The following IL1RAPL1 variants were observed in gnomAD, a reference collection of about 807,000 sequenced individuals.
IL1RAPL1 encodes interleukin-1 receptor accessory protein-like 1.
Under a neutral mutation model 48.4 loss-of-function variants are expected in IL1RAPL1, and 3 were observed. That is an observed-to-expected ratio of 0.06 (90% confidence interval 0.03 to 0.16). The LOEUF is 0.16. Ranked by LOEUF, IL1RAPL1 falls within the 10% of genes least tolerant of loss-of-function variation. The pLI, the probability that IL1RAPL1 is intolerant of heterozygous loss-of-function variation, is 1.00. For missense variants in IL1RAPL1, 349 were observed against 530.6 expected (o/e 0.66, Z 3.36); for synonymous variants, 185 against 187.7 (o/e 0.99, Z 0.12).
At chrX:28,929,394 T>C (rs772898127) in intron 2 of IL1RAPL1, among the ~76,000 whole-genome samples, 1 of 112,156 alleles carries the variant, frequency 8.9e-6, no homozygotes, top group South Asian at 3.7e-4. Context: ...TACCAGGTTG[T>C]GGCTGTTTCT....
At chrX:28,931,330 G>T (rs1221418549) in intron 2 of IL1RAPL1, among the ~76,000 whole-genome samples, 1 of 112,005 alleles carries the variant, frequency 8.9e-6, no homozygotes, top group Non-Finnish European at 1.9e-5. Context: ...GAATTTGCTA[G>T]TAAATGCTTT....
intron 1 of IL1RAPL1, among the ~76,000 whole-genome samples, chrX:28,782,727 C>A (rs1353581728): frequency 8.9e-6 from 1 of 111,855 alleles, no homozygotes; most frequent in Non-Finnish European, 1.9e-5. Context: ...GGAGTTTATA[C>A]TTTAATAGCA....
chrX:29,771,702 T>A lies in IL1RAPL1; in HGVS notation c.778+103198T>A, dbSNP rs981535422. On this transcript the variant is annotated intron_variant, in intron 6 of 10. Coordinates refer to ENST00000378993, the MANE Select transcript of IL1RAPL1 (RefSeq NM_014271.4). ...TGACATAGACCATGTTGAAGTACCA[T>A]TTTTCCCCATCCTTGAAATCTCAAC... 3.6e-5 allele frequency among the ~76,000 whole-genome samples: 4 copies of A among 111,797 alleles called. No individual in the cohort carries two copies. The Admixed American group carries it at 3.8e-4, about 11-fold the overall frequency.
intron 2 of IL1RAPL1, among the ~76,000 whole-genome samples, chrX:29,085,437 G>T (rs1927932052): frequency 9.0e-6 from 1 of 111,056 alleles, no homozygotes; most frequent in Non-Finnish European, 1.9e-5. Context: ...TTCTAAGAGG[G>T]TTTTTATATA....
intron 4 of IL1RAPL1, among the ~76,000 whole-genome samples, chrX:29,396,954 T>C (rs1443909043): frequency 1.8e-5 from 2 of 112,104 alleles, no homozygotes; most frequent in Non-Finnish European, 3.8e-5. Context: ...GGAAATTGTA[T>C]GACACCAGAA....
chrX:28,596,514 G>C (rs954371921), intron 1 of IL1RAPL1, among the ~76,000 whole-genome samples: 9 of 111,039 alleles, frequency 8.1e-5, no homozygotes, highest in Non-Finnish European at 1.7e-4. Flanking sequence ...CCCAAAAATG[G>C]TTTAGTTAGG....
intron 3 of IL1RAPL1, among the ~76,000 whole-genome samples, chrX:29,329,069 T>G (rs1932863588): frequency 9.0e-6 from 1 of 111,454 alleles, no homozygotes; most frequent in Non-Finnish European, 1.9e-5. Flanking sequence ...GATCTTACAT[T>G]ATCCATGATT....
At chrX:29,175,788 T>C (rs1240552516) in intron 2 of IL1RAPL1, among the ~76,000 whole-genome samples, 1 of 94,245 alleles carries the variant, frequency 1.1e-5, no homozygotes, top group South Asian at 5.7e-4. Flanking sequence ...AGAGGTTGCA[T>C]TGAGCCAAGA....
chrX:28,748,921 A>G (rs1048214811), intron 1 of IL1RAPL1, among the ~76,000 whole-genome samples: 6 of 110,906 alleles, frequency 5.4e-5, no homozygotes, highest in African/African-American at 2.0e-4. Flanking sequence ...TCATTGACCA[A>G]CTTCTCTCCT....
intron 2 of IL1RAPL1, among the ~76,000 whole-genome samples, chrX:29,210,443 A>G (rs1248827398): frequency 8.9e-6 from 1 of 112,195 alleles, no homozygotes; most frequent in Non-Finnish European, 1.9e-5. Flanking sequence ...TTGATCTGAT[A>G]ATGTTCAAAT....
intron 2 of IL1RAPL1, among the ~76,000 whole-genome samples, chrX:29,048,574 T>A (rs925909447): frequency 8.9e-6 from 1 of 112,293 alleles, no homozygotes; most frequent in Non-Finnish European, 1.9e-5. Flanking sequence ...TTCTTGATTC[T>A]GCATATCTTA....
chrX:28,957,409 AT>A (rs1486356596), intron 2 of IL1RAPL1, among the ~76,000 whole-genome samples: 1 of 112,023 alleles, frequency 8.9e-6, no homozygotes, highest in Non-Finnish European at 1.9e-5. Flanking sequence ...AATTTTAAAT[AT>A]TTTAAGAATT....
At chrX:29,613,712 CGTGTGT>C (rs753582133) in intron 5 of IL1RAPL1, among the ~76,000 whole-genome samples, 2,355 of 58,764 alleles carry the variant, frequency 0.04, 110 homozygotes, top group African/African-American at 0.13. Flanking sequence ...GGGTTTTTTT[CGTGTGT>C]GTGTGTGTGT....
intron 1 of IL1RAPL1, among the ~76,000 whole-genome samples, chrX:28,635,278 C>G (rs1464372929): frequency 8.9e-6 from 1 of 111,959 alleles, no homozygotes; most frequent in East Asian, 2.8e-4. Context: ...ATCCATGAAA[C>G]TGTGGCAGGC....
intron 6 of IL1RAPL1, among the ~76,000 whole-genome samples, chrX:29,795,040 A>T (rs1047975308): frequency 2.7e-5 from 3 of 112,273 alleles, no homozygotes; most frequent in Middle Eastern, 4.2e-3. Flanking sequence ...GTTAATATAC[A>T]GATACGTAAC....
intron 1 of IL1RAPL1, among the ~76,000 whole-genome samples, chrX:28,691,090 T>G (rs181122179): frequency 9.0e-6 from 1 of 111,435 alleles, no homozygotes; most frequent in African/African-American, 3.3e-5. Flanking sequence ...TAATTGCTCT[T>G]AGGAGAAAAA....
intron 5 of IL1RAPL1, among the ~76,000 whole-genome samples, chrX:29,515,812 A>G (rs1285783134): frequency 1.8e-5 from 2 of 111,021 alleles, no homozygotes; most frequent in Non-Finnish European, 1.9e-5. Flanking sequence ...TCAGCCTCCC[A>G]TGAAGCTGGG....
chrX:29,645,810 A>G (rs1463934876), intron 5 of IL1RAPL1, among the ~76,000 whole-genome samples: 1 of 112,106 alleles, frequency 8.9e-6, no homozygotes, highest in Non-Finnish European at 1.9e-5. Flanking sequence ...TGCCAAGCTC[A>G]GCAGCCGCAA....
intron 5 of IL1RAPL1, among the ~76,000 whole-genome samples, chrX:29,628,232 C>T (rs1924669410): frequency 1.8e-5 from 2 of 111,994 alleles, no homozygotes. Context: ...GATATAGCCT[C>T]GAGCAAAGAT....
Sources: gnomAD v4.1 joint callset for allele counts (sites outside exome capture counted in the v4.1 genomes callset) on GRCh38, gnomAD v4.1.1 for gene constraint, MANE v1.5 for transcripts, NCBI Gene and HGNC (gene_info 2026-07-23, HGNC 2026-07-21) for gene names.